Variants in PRMT3 observed in about 807,000 individuals in gnomAD.
PRMT3 encodes the protein protein arginine methyltransferase 3.
In PRMT3, 62 loss-of-function variants were observed where a neutral mutation model predicts 71.9. The observed-to-expected ratio is 0.86, with a 90% confidence interval of 0.70 to 1.07. The LOEUF (loss-of-function observed/expected upper bound fraction) is 1.07, where lower values mean the gene tolerates loss of function less well. PRMT3 is among the 50% of genes least tolerant of loss of function. The probability of loss-of-function intolerance (pLI) is 0.00; values close to 1 mark genes in which losing one functional copy is unlikely to be tolerated. For missense variants in PRMT3, 663 were observed against 643.0 expected, an observed-to-expected ratio of 1.03 and a Z score of -0.34; for synonymous variants, 213 against 220.4, an observed-to-expected ratio of 0.97 and a Z score of 0.30.
chr11:20,502,173 TC>T (rs1851473757), intron 15 of PRMT3, among the ~76,000 whole-genome samples: 1 of 152,190 alleles, frequency 6.6e-6, no homozygotes, highest in Non-Finnish European at 1.5e-5. Flanking sequence ...TCCAGAGTGT[TC>T]CTTCCAGCTC....
intron 8 of PRMT3, among the ~76,000 whole-genome samples, chr11:20,403,840 C>G (rs1849003707): frequency 6.6e-6 from 1 of 152,158 alleles, no homozygotes; most frequent in African/African-American, 2.4e-5. Flanking sequence ...GCTTTCATCT[C>G]TCTAAGGTTA....
At chr11:20,477,505 G>A (rs1167861187) in intron 13 of PRMT3, among the ~76,000 whole-genome samples, 1 of 151,644 alleles carries the variant, frequency 6.6e-6, no homozygotes, top group South Asian at 2.1e-4. Context: ...CCAATGAGCC[G>A]ACATAGCACC....
At chr11:20,488,398 C>G (rs561457154) in intron 13 of PRMT3, among the ~76,000 whole-genome samples, 1 of 152,228 alleles carries the variant, frequency 6.6e-6, no homozygotes, top group South Asian at 2.1e-4. Context: ...TTGCTTCAGA[C>G]TCATCAGTTG....
At chr11:20,389,259 A>G (rs910139627) in intron 2 of PRMT3, among the ~76,000 whole-genome samples, 28 of 152,242 alleles carry the variant, frequency 1.8e-4, no homozygotes, top group African/African-American at 6.8e-4. Flanking sequence ...TGGGAATACT[A>G]CAAGATCACT....
At chr11:20,491,679 G>A (rs1271884647) in intron 13 of PRMT3, among the ~76,000 whole-genome samples, 2 of 152,032 alleles carry the variant, frequency 1.3e-5, no homozygotes, top group Admixed American at 6.6e-5. Context: ...TGTTGGTTTC[G>A]GTTTTTTTTC....
chr11:20,433,475 G>A (rs1190101341), intron 10 of PRMT3, among the ~76,000 whole-genome samples: 1 of 152,068 alleles, frequency 6.6e-6, no homozygotes, highest in East Asian at 1.9e-4. Flanking sequence ...TGTTTAGGTT[G>A]ATTCCAATTC....
chr11:20,496,446 T>C (rs967041655), intron 15 of PRMT3, among the ~76,000 whole-genome samples: 1 of 151,820 alleles, frequency 6.6e-6, no homozygotes, highest in East Asian at 1.9e-4. Context: ...GGAGGCAACA[T>C]TGAGCAAAAA....
chr11:20,508,149 TAAAA>T (rs11338942), intron 15 of PRMT3, among the ~76,000 whole-genome samples, 151 bp from the exon 16 acceptor site: 219 of 122,840 alleles, frequency 1.8e-3, no homozygotes, highest in Middle Eastern at 4.4e-3. Flanking sequence ...GACTCCATCT[TAAAA>T]AAAAAAAAAA....
At chr11:20,461,717 T>C (rs1466488376) in intron 11 of PRMT3, among the ~76,000 whole-genome samples, 1 of 152,206 alleles carries the variant, frequency 6.6e-6, no homozygotes, top group Non-Finnish European at 1.5e-5. Flanking sequence ...ATTTCAGAAT[T>C]GTTTAATTAT....
At chr11:20,432,713 G>C (rs1849680857) in intron 10 of PRMT3, among the ~76,000 whole-genome samples, 1 of 151,914 alleles carries the variant, frequency 6.6e-6, no homozygotes, top group South Asian at 2.1e-4. Flanking sequence ...CTGCATCCTT[G>C]CATCCTTATT....
At chr11:20,488,430 A>AT (rs1265122854) in intron 13 of PRMT3, among the ~76,000 whole-genome samples, 1 of 152,096 alleles carries the variant, frequency 6.6e-6, no homozygotes. Context: ...CCATATTGAG[A>AT]TTTTGAAAGA....
chr11:20,476,755 G>GGT (rs1555020595), intron 13 of PRMT3, among the ~76,000 whole-genome samples: 5 of 150,068 alleles, frequency 3.3e-5, no homozygotes, highest in Non-Finnish European at 5.9e-5. Context: ...CATTTTTAGA[G>GGT]TTTTTTTATC....
chr11:20,422,598 C>T (rs71488746), intron 9 of PRMT3, among the ~76,000 whole-genome samples: 2 of 152,120 alleles, frequency 1.3e-5, no homozygotes, highest in African/African-American at 2.4e-5. Context: ...CTAAATCTTG[C>T]CATTTCCTAC....
chr11:20,443,042 A>G (rs1849944929), intron 10 of PRMT3, among the ~76,000 whole-genome samples: 1 of 152,194 alleles, frequency 6.6e-6, no homozygotes, highest in Admixed American at 6.5e-5. Flanking sequence ...GTTGTTGCCA[A>G]ATTCTCCTCA....
intron 15 of PRMT3, among the ~76,000 whole-genome samples, chr11:20,500,619 T>G (rs968034475): frequency 3.9e-5 from 6 of 152,198 alleles, no homozygotes; most frequent in African/African-American, 1.4e-4. Flanking sequence ...AAAGGGGCAG[T>G]GTTGATTAAT....
chr11:20,429,294 C>T (rs1022922607), intron 10 of PRMT3, among the ~76,000 whole-genome samples: 2 of 152,164 alleles, frequency 1.3e-5, no homozygotes, highest in African/African-American at 4.8e-5. Flanking sequence ...CAATAGGGTT[C>T]ACGCTCCTGT....
chr11:20,419,036 G>T (rs960579970), intron 9 of PRMT3, among the ~76,000 whole-genome samples: 2 of 152,118 alleles, frequency 1.3e-5, no homozygotes, highest in African/African-American at 4.8e-5. Flanking sequence ...CATCTGGGGG[G>T]TGTATACTTA....
chr11:20,477,814 C>A lies in PRMT3; in HGVS notation c.1347+13268C>A, dbSNP rs181711399. 9.8e-5 allele frequency among the ~76,000 whole-genome samples: 12 copies of A among 122,844 alleles called. No homozygotes were observed. The East Asian group carries it at 1.1e-3, about 12-fold the overall frequency. 80.6% of individuals were successfully genotyped at this position (122,844 alleles called of 152,430 possible). Reference sequence around the variant, plus strand: ...TGGCTTAGGAGAAACCCCCCCCCCCCACTTCCTGTTTTGCAGCACAACCAC... The same window carrying A: ...TGGCTTAGGAGAAACCCCCCCCCCCAACTTCCTGTTTTGCAGCACAACCAC... On this transcript the variant is annotated intron_variant, in intron 13 of 15. Transcript: ENST00000331079.
At chr11:20,435,857 A>G (rs1283020217) in intron 10 of PRMT3, among the ~76,000 whole-genome samples, 2 of 152,160 alleles carry the variant, frequency 1.3e-5, no homozygotes, top group Non-Finnish European at 2.9e-5. Context: ...GTTTATTTCT[A>G]CGAAGAATGT....
Sources: allele counts gnomAD v4.1 joint callset (sites outside exome capture counted in the v4.1 genomes callset), GRCh38; gene constraint gnomAD v4.1.1; transcripts MANE v1.5; gene names NCBI Gene and HGNC (gene_info 2026-07-23, HGNC 2026-07-21).